The following DNAI7 variants were observed in gnomAD, a reference collection of about 807,000 sequenced individuals.
DNAI7 encodes cancer susceptibility 1.
Under a neutral mutation model 86.6 loss-of-function variants are expected in DNAI7, and 78 were observed. The observed-to-expected ratio is 0.90, with a 90% CI of 0.75 to 1.09. The LOEUF is 1.09. Among genes scored for constraint, DNAI7 ranks in the 50% least tolerant of loss-of-function variants. The pLI, the probability that DNAI7 is intolerant of heterozygous loss-of-function variation, is 0.00. For synonymous variants in DNAI7, 274 were observed against 273.0 expected, an observed-to-expected ratio of 1.00 and a Z score of -0.04; for missense variants, 753 against 810.2, an observed-to-expected ratio of 0.93 and a Z score of 0.86.
At chr12:25,150,555 G>T (rs1437147604) in intron 6 of DNAI7, among the ~76,000 whole-genome samples, 1 of 132,930 alleles carries the variant, frequency 7.5e-6, no homozygotes, top group Non-Finnish European at 1.5e-5. Flanking sequence ...AGTGAGCCGA[G>T]ATTGCACCAC....
chr12:25,114,828 T>C lies in DNAI7; in HGVS notation c.1439A>G (p.Lys480Arg). 1 of 1,614,122 alleles carries C rather than the reference T, an allele frequency of 6.2e-7. No individual in the cohort carries two copies. The highest frequency in any genetic ancestry group is 8.5e-7 in the Non-Finnish European group (1 of 1,179,984). The change falls in exon 13 of 16, where the codon AAA (lysine) becomes AGA (arginine). Residue 480 changes from lysine (K) to arginine (R), a missense_variant. Transcript: ENST00000395987. ...RTDGISNVSY[K>R]PKERLVTFSL... ...GAATGTTACAAGTCTTTCTTTTGGT[T>C]TGTAGGATACATTGCTGATGCCATC...
intron 4 of DNAI7, among the ~76,000 whole-genome samples, chr12:25,155,823 C>T (rs914332389): frequency 2.0e-5 from 3 of 152,132 alleles, no homozygotes; most frequent in Non-Finnish European, 4.4e-5. Flanking sequence ...AAAGAATGCC[C>T]GGATGGATGG....
At chr12:25,121,615 A>G in intron 11 of DNAI7, 138 bp downstream of exon 11, 1 of 657,292 alleles carries the variant, frequency 1.5e-6, no homozygotes, top group Non-Finnish European at 2.5e-6. Context: ...ATACCAATAC[A>G]TTTAAGACAG....
At position 25,119,261 on chromosome 12, in the gene DNAI7, T is replaced by A; in HGVS notation, c.1280A>T (p.Glu427Val). Residue 427 changes from glutamate (E) to valine (V), a missense_variant, in exon 12 of 16, where the codon GAA becomes GTA. Transcript: ENST00000395987. ...EGLQKYTYPPETTEEFETENA... is the reference protein window; with the variant it reads ...EGLQKYTYPPVTTEEFETENA... ...TTCTGTCTCAAACTCTTCTGTAGTTTCCGGAGGATATGTGTATTTCTGTAA... is the reference window on the plus strand; with the variant it reads ...TTCTGTCTCAAACTCTTCTGTAGTTACCGGAGGATATGTGTATTTCTGTAA... 1 of 1,612,116 alleles carries A rather than the reference T, an allele frequency of 6.2e-7. No homozygotes were observed. The highest frequency in any genetic ancestry group is 1.1e-5 in the South Asian group (1 of 90,778).
chr12:25,163,999 G>C (rs541751583), intron 2 of DNAI7, among the ~76,000 whole-genome samples: 2 of 152,306 alleles, frequency 1.3e-5, no homozygotes, highest in African/African-American at 4.8e-5. Flanking sequence ...CGTGGGGATG[G>C]CTGCCTGATT....
chr12:25,174,001 A>C (rs12369260), intron 2 of DNAI7, among the ~76,000 whole-genome samples: 7 of 146,402 alleles, frequency 4.8e-5, no homozygotes, highest in South Asian at 2.1e-4. Flanking sequence ...GAATACATAT[A>C]TCATATACAT....
intron 4 of DNAI7, among the ~76,000 whole-genome samples, chr12:25,158,088 G>T (rs912827606): frequency 6.6e-6 from 1 of 152,110 alleles, no homozygotes; most frequent in African/African-American, 2.4e-5. Context: ...AATTAGCCGG[G>T]TGTGGTGGCA....
At chr12:25,144,302 T>TA in intron 9 of DNAI7, 63 bp downstream of exon 9, 1 of 1,376,474 alleles carries the variant, frequency 7.3e-7, no homozygotes, top group Non-Finnish European at 1.0e-6. Flanking sequence ...GAGAACACTT[T>TA]AAGGGAATCT....
At chr12:25,110,440 C>T (rs750171561) in intron 14 of DNAI7, among the ~76,000 whole-genome samples, 200 bp from the exon 15 acceptor site, 3 of 152,180 alleles carry the variant, frequency 2.0e-5, no homozygotes, top group East Asian at 3.8e-4. Context: ...ACGACTTGCA[C>T]GGCCCTCTGA....
intron 13 of DNAI7, among the ~76,000 whole-genome samples, 177 bp from the exon 14 acceptor site, chr12:25,112,116 C>T (rs1938971748): frequency 6.6e-6 from 1 of 152,110 alleles, no homozygotes; most frequent in Non-Finnish European, 1.5e-5. Context: ...ACACAAAGTC[C>T]CCATGTTATG....
At chr12:25,147,483 C>CCCCCCA (rs765651980) in intron 7 of DNAI7, among the ~76,000 whole-genome samples, 1 of 150,122 alleles carries the variant, frequency 6.7e-6, no homozygotes, top group South Asian at 2.1e-4. Flanking sequence ...GAGACCACCC[C>CCCCCCA]CATCTCTACA....
At chr12:25,129,767 A>ATT (rs35452557) in intron 9 of DNAI7, among the ~76,000 whole-genome samples, 16 of 148,796 alleles carry the variant, frequency 1.1e-4, no homozygotes, top group African/African-American at 4.0e-4. Context: ...TTTTATTTTT[A>ATT]TTTTTTTTTT....
chr12:25,112,555 C>G (rs998426145), intron 13 of DNAI7, among the ~76,000 whole-genome samples: 1 of 151,718 alleles, frequency 6.6e-6, no homozygotes, highest in Non-Finnish European at 1.5e-5. Flanking sequence ...TACAGGCGCC[C>G]ACCACCACAC....
chr12:25,175,355 A>G (rs544049688), intron 2 of DNAI7, among the ~76,000 whole-genome samples: 1 of 152,050 alleles, frequency 6.6e-6, no homozygotes, highest in South Asian at 2.1e-4. Flanking sequence ...TGGATGAACT[A>G]TATGTTTTGC....
intron 1 of DNAI7, 50 bp downstream of exon 1, chr12:25,195,026 C>T (rs777279921): frequency 9.3e-6 from 15 of 1,614,068 alleles, no homozygotes; most frequent in Non-Finnish European, 1.2e-5. Context: ...ACTGGTGAAG[C>T]AGAATCAGTG....
chr12:25,195,000 GA>G (rs1163816007), intron 1 of DNAI7, 75 bp downstream of exon 1: 1 of 1,614,128 alleles, frequency 6.2e-7, no homozygotes, highest in Admixed American at 1.7e-5. Flanking sequence ...ACTGGCTCTT[GA>G]TTACATTATT....
chr12:25,127,231 G>A (rs552997051), intron 9 of DNAI7, among the ~76,000 whole-genome samples: 32 of 152,186 alleles, frequency 2.1e-4, no homozygotes, highest in Non-Finnish European at 3.1e-4. Context: ...ACGTGCTCCC[G>A]CACAAAAACT....
intron 2 of DNAI7, among the ~76,000 whole-genome samples, chr12:25,181,744 G>T (rs956601706): frequency 6.6e-6 from 1 of 151,768 alleles, no homozygotes; most frequent in African/African-American, 2.4e-5. Flanking sequence ...CTCAAAAGAG[G>T]ACATATAAGT....
intron 11 of DNAI7, among the ~76,000 whole-genome samples, chr12:25,121,244 AT>A (rs1941248037): frequency 6.6e-6 from 1 of 152,188 alleles, no homozygotes; most frequent in South Asian, 2.1e-4. Context: ...ACAACCACTG[AT>A]TTAGACTGGA....
Sources: gnomAD v4.1 joint callset for allele counts (sites outside exome capture counted in the v4.1 genomes callset) on GRCh38, gnomAD v4.1.1 for gene constraint, MANE v1.5 for transcripts, NCBI Gene and HGNC (gene_info 2026-07-23, HGNC 2026-07-21) for gene names.